NCKAP5: variants seen among roughly 807,000 people sequenced by gnomAD.
The protein encoded by NCKAP5 is nck-associated protein 5.
In NCKAP5, 92 loss-of-function variants were observed where a neutral mutation model predicts 167.0. That is an observed-to-expected ratio of 0.55 (90% confidence interval 0.47 to 0.66). NCKAP5 has a LOEUF of 0.66. Among genes scored for constraint, NCKAP5 ranks in the 30% least tolerant of loss-of-function variants. The pLI, the probability that NCKAP5 is intolerant of heterozygous loss-of-function variation, is 0.00. For missense variants in NCKAP5, 2,378 were observed against 2,315.0 expected (o/e 1.03, Z -0.56); for synonymous variants, 891 against 877.4 (o/e 1.02, Z -0.27).
chr2:132,782,013 T>C lies in NCKAP5; in HGVS notation c.4798A>G (p.Ile1600Val). 12 of 1,614,034 alleles carry C rather than the reference T, an allele frequency of 7.4e-6. No individual in the cohort carries two copies. The highest frequency in any genetic ancestry group is 1.0e-5 in the Non-Finnish European group (12 of 1,179,892). The change falls in exon 14 of 20, where the codon ATT (isoleucine) becomes GTT (valine). Residue 1600 changes from isoleucine to valine, a missense_variant. Physicochemically the swap from Ile to Val is conservative, Grantham distance 29. Around this residue, in one of 3 missense-constraint regions of NCKAP5, gnomAD observed 1,325 missense variants for 1,274.5 expected, o/e 1.04. Transcript: ENST00000409261. ...TPQDIYNQLK[I>V]EPRNRHSPVA... is the part of the protein sequence containing the mutation. ...GGGCTGTGTCTATTCCTTGGTTCAA[T>C]CTTCAGTTGGTTGTAAATGTCTTGT...
intron 3 of NCKAP5, among the ~76,000 whole-genome samples, chr2:133,402,833 C>T (rs377396837): frequency 6.6e-6 from 1 of 152,150 alleles, no homozygotes; most frequent in African/African-American, 2.4e-5. Context: ...CAAAATAAAC[C>T]TCTTTTATTT....
chr2:133,640,730 G>T, the NCKAP5 span, among the ~76,000 whole-genome samples: 1 of 152,224 alleles, frequency 6.6e-6, no homozygotes, highest in African/African-American at 2.4e-5. Context: ...ATAAATATTT[G>T]CCCTGTGAAT....
chr2:133,378,659 G>A (rs1686315976), intron 3 of NCKAP5, among the ~76,000 whole-genome samples: 1 of 152,170 alleles, frequency 6.6e-6, no homozygotes, highest in African/African-American at 2.4e-5. Flanking sequence ...AGCAGTATCT[G>A]CCACCTAGGA....
chr2:132,969,768 C>T (rs111394486), intron 7 of NCKAP5, among the ~76,000 whole-genome samples: 15 of 152,288 alleles, frequency 9.8e-5, no homozygotes, highest in South Asian at 2.1e-4. Context: ...TCTGATGTAA[C>T]GCCACCCAGG....
intron 3 of NCKAP5, among the ~76,000 whole-genome samples, chr2:133,338,237 A>G (rs1180328266): frequency 6.6e-6 from 1 of 152,168 alleles, no homozygotes; most frequent in African/African-American, 2.4e-5. Context: ...GTGAAATTCT[A>G]TCTATAGAGT....
intron 8 of NCKAP5, among the ~76,000 whole-genome samples, chr2:132,936,239 C>T (rs548928572): frequency 6.6e-6 from 1 of 152,198 alleles, no homozygotes; most frequent in East Asian, 1.9e-4. Context: ...GCCTTGGCTT[C>T]CCAAAATGCT....
At position 132,932,739 on chromosome 2, in the gene NCKAP5, A is replaced by G. The variant is rs1221245479; in HGVS notation, c.579+30981T>C. Among the ~76,000 whole-genome samples, 6 of 152,316 alleles carry G rather than the reference A, an allele frequency of 3.9e-5. No homozygotes were observed. In the East Asian group the frequency reaches 1.2e-3, roughly 29 times the overall value. On this transcript the variant is annotated intron_variant, in intron 8 of 19. Transcript: ENST00000409261. ...ATATACATCCTAGAACTCACTGCTT[A>G]AAGAACACATAGAAAAAAACAAGGT...
At chr2:132,821,132 C>T (rs754462279) in intron 11 of NCKAP5, among the ~76,000 whole-genome samples, 51 of 152,042 alleles carry the variant, frequency 3.4e-4, no homozygotes, top group Non-Finnish European at 6.3e-4. Context: ...ACCGGAAAAA[C>T]CAAAAGAATT....
rs200410227 is a variant in NCKAP5, at chr2:133,209,083, AC to A, written c.207+4632del. On this transcript the variant is annotated intron_variant, in intron 5 of 19. Coordinates refer to ENST00000409261, the MANE Select transcript of NCKAP5 (RefSeq NM_207363.3). Reference sequence around the variant, plus strand: ...AATTTGCAAAAAATTACATTAAAAAACTATAAAAGTTCTAGAAGATAATGAG... The same window carrying A: ...AATTTGCAAAAAATTACATTAAAAAATATAAAAGTTCTAGAAGATAATGAG... Among the ~76,000 whole-genome samples, 908 of 151,760 alleles carry A rather than the reference AC, an allele frequency of 6.0e-3. 13 individuals carry two copies. Among genetic ancestry groups the A allele is most frequent in the African/African-American group, 0.02 (817 of 41,324 alleles).
rs1559154061 is a variant in NCKAP5, at chr2:133,115,798, T to TTC, written c.341+14179_341+14180insGA. On this transcript the variant is annotated intron_variant, in intron 6 of 19. Transcript: ENST00000409261. ...GTGTATATATATATATATATATATATATATATATATATATATATAGTGTTC... is the reference window on the plus strand; with the variant it reads ...GTGTATATATATATATATATATATATTCATATATATATATATATATAGTGTTC... 6.4e-4 allele frequency among the ~76,000 whole-genome samples: 79 copies of TTC among 122,756 alleles called. 1 individual carries two copies. Among genetic ancestry groups the TTC allele is most frequent in the African/African-American group, 3.1e-3 (74 of 24,064 alleles). The allele number at this position is 122,756 out of a possible 152,430, so 80.5% of individuals were successfully genotyped here.
chr2:133,461,098 C>CT (rs2151232357), intron 3 of NCKAP5, among the ~76,000 whole-genome samples: 1 of 152,012 alleles, frequency 6.6e-6, no homozygotes, highest in African/African-American at 2.4e-5. Context: ...TTACTGCAGC[C>CT]AAAGGGAGAT....
intron 3 of NCKAP5, among the ~76,000 whole-genome samples, chr2:133,389,060 C>A (rs1206957759): frequency 6.6e-6 from 1 of 152,220 alleles, no homozygotes; most frequent in Non-Finnish European, 1.5e-5. Flanking sequence ...CACTGTCCGA[C>A]AAGCCCCAGT....
chr2:132,779,558 A>G (rs1373969811), intron 15 of NCKAP5, among the ~76,000 whole-genome samples: 1 of 151,636 alleles, frequency 6.6e-6, no homozygotes, highest in East Asian at 1.9e-4. Context: ...CAAAGAAGGG[A>G]TGATACCATG....
intron 6 of NCKAP5, among the ~76,000 whole-genome samples, chr2:133,096,153 A>T (rs981697431): frequency 5.9e-5 from 9 of 152,154 alleles, no homozygotes; most frequent in African/African-American, 1.2e-4. Context: ...CCTAATACGA[A>T]CCAATCTAAA....
intron 6 of NCKAP5, among the ~76,000 whole-genome samples, chr2:132,995,845 G>C (rs2149315314): frequency 6.6e-6 from 1 of 151,690 alleles, no homozygotes; most frequent in East Asian, 2.0e-4. Context: ...TGTGGTGGCA[G>C]GTGCCTGTAA....
chr2:133,521,692 T>C (rs1280908159), intron 2 of NCKAP5, among the ~76,000 whole-genome samples: 1 of 152,368 alleles, frequency 6.6e-6, no homozygotes, highest in African/African-American at 2.4e-5. Context: ...ACACCAGTTG[T>C]AGCACGTTAG....
At chr2:133,565,577 G>T (rs868533101) in intron 1 of NCKAP5, among the ~76,000 whole-genome samples, 1 of 152,332 alleles carries the variant, frequency 6.6e-6, no homozygotes, top group Non-Finnish European at 1.5e-5. Flanking sequence ...CAGTCACTGT[G>T]CTGTGCTGCA....
chr2:133,547,290 GA>G (rs1558773273), intron 2 of NCKAP5, among the ~76,000 whole-genome samples: 1 of 152,222 alleles, frequency 6.6e-6, no homozygotes, highest in African/African-American at 2.4e-5. Flanking sequence ...AGGCGGCAGA[GA>G]GGCTGGGGGA....
At chr2:133,500,039 C>A (rs985602328) in intron 3 of NCKAP5, among the ~76,000 whole-genome samples, 1 of 151,980 alleles carries the variant, frequency 6.6e-6, no homozygotes, top group Admixed American at 6.6e-5. Flanking sequence ...AGAATGCATT[C>A]TATCATTTAA....
Sources: gnomAD v4.1 joint callset for allele counts (sites outside exome capture counted in the v4.1 genomes callset) on GRCh38, gnomAD v4.1.1 for gene constraint, gnomAD v4.1.1 regional missense constraint, MANE v1.5 for transcripts, NCBI Gene and HGNC (gene_info 2026-07-23, HGNC 2026-07-21) for gene names.